EVI5: variants seen among roughly 807,000 people sequenced by gnomAD.
The protein encoded by EVI5 is ecotropic viral integration site 5.
In EVI5, 73 loss-of-function variants were observed where a neutral mutation model predicts 112.0. That is an observed-to-expected ratio of 0.65 (90% CI 0.54 to 0.79). The LOEUF (loss-of-function observed/expected upper bound fraction) is 0.79. Ranked by LOEUF, EVI5 falls within the 30% of genes least tolerant of loss-of-function variation. EVI5 has a pLI of 0.00. For missense variants in EVI5, 900 were observed against 968.8 expected, an observed-to-expected ratio of 0.93 and a Z score of 0.94; for synonymous variants, 305 against 319.9, an observed-to-expected ratio of 0.95 and a Z score of 0.50.
intron 11 of EVI5, 91 bp downstream of exon 11, chr1:92,665,848 C>T (rs2102212566): frequency 1.2e-6 from 1 of 837,570 alleles, no homozygotes; most frequent in East Asian, 2.5e-5. Flanking sequence ...ACATAGGAGA[C>T]ATGTGCCAGA....
chr1:92,636,461 T>A, intron 13 of EVI5, 125 bp from the exon 14 acceptor site: 2 of 716,646 alleles, frequency 2.8e-6, no homozygotes, highest in Non-Finnish European at 4.4e-6. Context: ...AAGTTCCATC[T>A]ACCCAATATT....
rs78810112 is a variant in EVI5 at position 92,516,453 on chromosome 1, C to T, written c.2167-2483G>A. ...AGAGCTGTTAATATGGAATAGCAAACGTAAAGGAATTTATTGGTGGAGAGA... is the reference window on the plus strand; with the variant it reads ...AGAGCTGTTAATATGGAATAGCAAATGTAAAGGAATTTATTGGTGGAGAGA... On this transcript the variant is annotated intron_variant, in intron 19 of 19. Coordinates refer to ENST00000684568, the MANE Select transcript of EVI5 (RefSeq NM_001350197.2). 1.8e-3 allele frequency among the ~76,000 whole-genome samples: 281 copies of T among 152,134 alleles called. 9 individuals are homozygous for T. The East Asian group carries it at 0.048, about 26-fold the overall frequency.
At chr1:92,537,147 A>G (rs1485972486) in intron 19 of EVI5, among the ~76,000 whole-genome samples, 2 of 151,774 alleles carry the variant, frequency 1.3e-5, no homozygotes, top group African/African-American at 4.8e-5. Flanking sequence ...TCCACACACC[A>G]AAAAAAACCC....
intron 18 of EVI5, among the ~76,000 whole-genome samples, chr1:92,583,176 T>C (rs1227406707): frequency 1.3e-5 from 2 of 152,152 alleles, no homozygotes; most frequent in African/African-American, 4.8e-5. Context: ...GTAACCATTC[T>C]CCTACTGATG....
intron 9 of EVI5, among the ~76,000 whole-genome samples, chr1:92,690,786 A>C (rs945496368): frequency 6.6e-6 from 1 of 152,224 alleles, no homozygotes; most frequent in Non-Finnish European, 1.5e-5. Context: ...CATAATAAAG[A>C]AATCTGTCAT....
chr1:92,759,901 G>A (rs1359198419), intron 1 of EVI5, among the ~76,000 whole-genome samples: 5 of 138,748 alleles, frequency 3.6e-5, no homozygotes, highest in African/African-American at 1.3e-4. Context: ...TCTCTATGCT[G>A]AGGAACATTT....
chr1:92,744,592 TCTCTCTCTCACACACA>T (rs983478700), intron 1 of EVI5, among the ~76,000 whole-genome samples: 18 of 14,904 alleles, frequency 1.2e-3, no homozygotes, highest in South Asian at 0.011. Flanking sequence ...AATATCTCTC[TCTCTCTCTCACACACA>T]CACACACACA....
chr1:92,659,656 C>T (rs1442098605), intron 13 of EVI5, among the ~76,000 whole-genome samples: 1 of 152,028 alleles, frequency 6.6e-6, no homozygotes. Context: ...GAAATTAGTA[C>T]AACCTGTATG....
exon 1 of EVI5, chr1:92,792,395 G>A: frequency 6.2e-7 from 1 of 1,608,290 alleles, no homozygotes; most frequent in Admixed American, 1.7e-5. Context: ...TGGTAACCAT[G>A]ATAAGCAGAG....
At chr1:92,610,458 G>A (rs1005999882) in intron 16 of EVI5, among the ~76,000 whole-genome samples, 2 of 152,112 alleles carry the variant, frequency 1.3e-5, no homozygotes, top group African/African-American at 4.8e-5. Flanking sequence ...CCATGAGTGA[G>A]AGACAGCAGA....
intron 18 of EVI5, among the ~76,000 whole-genome samples, chr1:92,601,623 C>T (rs1435252531): frequency 6.6e-6 from 1 of 152,034 alleles, no homozygotes; most frequent in Non-Finnish European, 1.5e-5. Flanking sequence ...AAGACAAACA[C>T]TACATGATCT....
intron 1 of EVI5, among the ~76,000 whole-genome samples, chr1:92,770,518 A>C (rs569997834): frequency 5.8e-4 from 89 of 152,274 alleles, no homozygotes; most frequent in Middle Eastern, 3.4e-3. Context: ...TGGCCAGGCG[A>C]GGTGGCTCAC....
intron 16 of EVI5, 51 bp from the exon 17 acceptor site, chr1:92,607,778 T>A (rs1487109876): frequency 7.9e-7 from 1 of 1,258,104 alleles, no homozygotes; most frequent in Non-Finnish European, 1.1e-6. Flanking sequence ...GACCTAAAAA[T>A]TAAAAAAAAT....
chr1:92,595,702 G>A (rs910541465), intron 18 of EVI5, among the ~76,000 whole-genome samples: 1 of 152,164 alleles, frequency 6.6e-6, no homozygotes, highest in Non-Finnish European at 1.5e-5. Flanking sequence ...GTATATATAT[G>A]TCGGGGTAAC....
chr1:92,583,222 C>A (rs1460109869), intron 18 of EVI5, among the ~76,000 whole-genome samples: 3 of 151,746 alleles, frequency 2.0e-5, no homozygotes, highest in African/African-American at 7.3e-5. Context: ...TAAAAATAAC[C>A]TTGGGGTCAG....
chr1:92,700,120 G>T (rs1041844973), intron 5 of EVI5, among the ~76,000 whole-genome samples: 25 of 152,140 alleles, frequency 1.6e-4, no homozygotes, highest in Admixed American at 1.5e-3. Flanking sequence ...ACACCAAGTT[G>T]TTTTATAGTC....
At chr1:92,636,806 A>C (rs1658929232) in intron 13 of EVI5, among the ~76,000 whole-genome samples, 1 of 152,198 alleles carries the variant, frequency 6.6e-6, no homozygotes, top group South Asian at 2.1e-4. Context: ...AAAAAATCTC[A>C]ATGATTTTTA....
chr1:92,627,544 T>C (rs1310243337), intron 14 of EVI5, among the ~76,000 whole-genome samples: 1 of 152,180 alleles, frequency 6.6e-6, no homozygotes, highest in Non-Finnish European at 1.5e-5. Context: ...AGATACCCAG[T>C]AGTGGGATTG....
chr1:92,563,381 TA>T (rs1316336982), intron 19 of EVI5, among the ~76,000 whole-genome samples: 2 of 152,158 alleles, frequency 1.3e-5, no homozygotes, highest in Non-Finnish European at 1.5e-5. Context: ...TACACCACAA[TA>T]AAAAAATAAA....
Sources: allele counts gnomAD v4.1 joint callset (sites outside exome capture counted in the v4.1 genomes callset), GRCh38; gene constraint gnomAD v4.1.1; transcripts MANE v1.5; gene names NCBI Gene and HGNC (gene_info 2026-07-23, HGNC 2026-07-21).